The following PRKN variants were observed in gnomAD, a reference collection of about 807,000 sequenced individuals.
PRKN encodes parkin RBR E3 ubiquitin protein ligase.
PRKN carries 56 observed loss-of-function variants against 59.5 expected under a neutral mutation model. The ratio of observed to expected loss-of-function variants is 0.94; its 90% confidence interval spans 0.76 to 1.18. The LOEUF (loss-of-function observed/expected upper bound fraction) is 1.18. Ranked by LOEUF, PRKN falls within the 50% of genes most tolerant of loss-of-function variation. The pLI, the probability that PRKN is intolerant of heterozygous loss-of-function variation, is 0.00. For synonymous variants in PRKN, 250 were observed against 222.1 expected (o/e 1.13, Z -1.12); for missense variants, 657 against 596.4 (o/e 1.10, Z -1.06).
At chr6:161,703,840 T>A (rs954060902) in intron 7 of PRKN, among the ~76,000 whole-genome samples, 1 of 3,888 alleles carries the variant, frequency 2.6e-4, no homozygotes, top group Non-Finnish European at 6.3e-4. Flanking sequence ...TCTCTCTCTC[T>A]TTTTTTTTTT....
chr6:162,331,932 T>C (rs1444835177), intron 2 of PRKN, among the ~76,000 whole-genome samples: 1 of 152,220 alleles, frequency 6.6e-6, no homozygotes, highest in Non-Finnish European at 1.5e-5. Flanking sequence ...AAAACTTTAA[T>C]GACTTTTAGT....
intron 6 of PRKN, among the ~76,000 whole-genome samples, chr6:161,840,337 A>G (rs890092299): frequency 2.0e-5 from 3 of 152,200 alleles, no homozygotes. Flanking sequence ...ATCAGCAGCT[A>G]AAGTGCATCT....
intron 2 of PRKN, among the ~76,000 whole-genome samples, chr6:162,403,837 C>T (rs553419543): frequency 1.3e-5 from 2 of 152,222 alleles, no homozygotes; most frequent in South Asian, 2.1e-4. Context: ...GTCAGAAGAA[C>T]GTTTCAGGGA....
chr6:161,814,463 T>C (rs1349073294), intron 6 of PRKN, among the ~76,000 whole-genome samples: 1 of 152,184 alleles, frequency 6.6e-6, no homozygotes, highest in Non-Finnish European at 1.5e-5. Flanking sequence ...AAGCATGTCT[T>C]ACATGGTGGC....
chr6:161,607,872 A>G (rs1413148911), intron 7 of PRKN, among the ~76,000 whole-genome samples: 1 of 152,204 alleles, frequency 6.6e-6, no homozygotes, highest in Admixed American at 6.5e-5. Context: ...ACAGTGAGCA[A>G]ATGGATGATG....
intron 7 of PRKN, among the ~76,000 whole-genome samples, chr6:161,612,263 G>C (rs373347439): frequency 7.2e-4 from 109 of 152,218 alleles, no homozygotes; most frequent in Non-Finnish European, 6.2e-4. Flanking sequence ...TTTCAATGTA[G>C]ATGAAAGAGC....
chr6:162,552,783 G>A (rs928347796), intron 1 of PRKN, among the ~76,000 whole-genome samples: 1 of 152,054 alleles, frequency 6.6e-6, no homozygotes, highest in Non-Finnish European at 1.5e-5. Flanking sequence ...AAGATAGAGA[G>A]GACGTGGGGC....
rs1583214701 is a variant in PRKN at position 161,548,113 on chromosome 6, T to A, written c.1083+741A>T. Among the ~76,000 whole-genome samples the A allele has an allele frequency of 6.6e-6, 1 of 152,258 alleles. No homozygotes were observed. The highest frequency in any genetic ancestry group is 2.1e-4 in the South Asian group (1 of 4,838). ...CATCAAAATTCAATAGACTTTTATA[T>A]GCACATACACTTTCTCACTTTTCCA... On this transcript the variant is annotated intron_variant, in intron 9 of 11. Transcript: ENST00000366898. The surrounding 1 kb of genome is among the most constrained non-coding windows in gnomAD (Gnocchi z 4.2).
At chr6:161,770,979 C>G (rs1381811196) in intron 7 of PRKN, among the ~76,000 whole-genome samples, 1 of 152,098 alleles carries the variant, frequency 6.6e-6, no homozygotes, top group Non-Finnish European at 1.5e-5. Context: ...GACTTCCAGC[C>G]TCCAGAACTG....
rs140197678 is a variant in PRKN, at chr6:161,384,280, G to A, written c.1167+2514C>T. On this transcript the variant is annotated intron_variant, in intron 10 of 11. Transcript: ENST00000366898. Reference sequence around the variant, plus strand: ...TGAATGAAATAATGTCTCATGGGGCGCAGTGGCTCACGCCTGTCATCTCAG... The same window carrying A: ...TGAATGAAATAATGTCTCATGGGGCACAGTGGCTCACGCCTGTCATCTCAG... Among the ~76,000 whole-genome samples, 191 of 152,296 alleles carry A rather than the reference G, an allele frequency of 1.3e-3. 2 individuals are homozygous for A. Among genetic ancestry groups the A allele is most frequent in the African/African-American group, 4.5e-3 (185 of 41,556 alleles).
At position 161,576,851 on chromosome 6, in the gene PRKN, G is replaced by A. The variant is rs1194916535; in HGVS notation, c.872-7435C>T. Among the ~76,000 whole-genome samples the A allele has an allele frequency of 1.3e-5, 2 of 152,180 alleles. No homozygotes were observed. Among genetic ancestry groups the A allele is most frequent in the Admixed American group, 1.3e-4 (2 of 15,268 alleles). On this transcript the variant is annotated intron_variant, in intron 7 of 11. Coordinates refer to ENST00000366898, the MANE Select transcript of PRKN (RefSeq NM_004562.3). The surrounding 1 kb of genome is among the most constrained non-coding windows in gnomAD (Gnocchi z 4.6). Reference sequence around the variant, plus strand: ...TAATATGAGTTAGCTAGAGTGAAATGTATCAAAACAGGTAAATCTCAAAAT... The same window carrying A: ...TAATATGAGTTAGCTAGAGTGAAATATATCAAAACAGGTAAATCTCAAAAT...
intron 7 of PRKN, among the ~76,000 whole-genome samples, chr6:161,602,492 C>A (rs1488899617): frequency 6.6e-6 from 1 of 152,098 alleles, no homozygotes; most frequent in Non-Finnish European, 1.5e-5. Flanking sequence ...TTGCATAGGG[C>A]CTGTTAGTCA....
chr6:161,746,109 G>T (rs1354165178), intron 7 of PRKN, among the ~76,000 whole-genome samples: 2 of 152,176 alleles, frequency 1.3e-5, no homozygotes, highest in Non-Finnish European at 2.9e-5. Flanking sequence ...CATGAATTAG[G>T]CAAAATTATC....
intron 1 of PRKN, among the ~76,000 whole-genome samples, chr6:162,717,506 C>T (rs1341706908): frequency 2.0e-5 from 3 of 146,558 alleles, no homozygotes; most frequent in Non-Finnish European, 4.4e-5. Flanking sequence ...TTCAAGGTTG[C>T]AGTGAGCTGT....
chr6:162,727,611 C>A, intron 1 of PRKN, 51 bp downstream of exon 1: 1 of 1,559,926 alleles, frequency 6.4e-7, no homozygotes, highest in Non-Finnish European at 8.7e-7. Flanking sequence ...TGGCGCCATA[C>A]CGGGGCGTGG....
Position 161,582,690 on chromosome 6 carries a change from G to A in PRKN, c.872-13274C>T. Among the ~76,000 whole-genome samples the A allele has an allele frequency of 6.6e-6, 1 of 152,056 alleles. No individual in the cohort carries two copies. The highest frequency in any genetic ancestry group is 1.9e-4 in the East Asian group (1 of 5,182). On this transcript the variant is annotated intron_variant, in intron 7 of 11. Transcript: ENST00000366898. The surrounding 1 kb of genome is among the most constrained non-coding windows in gnomAD (Gnocchi z 4.4). The stretch of plus-strand genomic sequence containing the variant: ...GATCTGCCCGCCTCGGCCTCCCAAA[G>A]TTCTGGGATTACAGGTGTGAGACAC...
chr6:162,344,675 G>T (rs1784322829), intron 2 of PRKN, among the ~76,000 whole-genome samples: 1 of 151,588 alleles, frequency 6.6e-6, no homozygotes, highest in Admixed American at 6.6e-5. Context: ...CCTTGAAGCA[G>T]CCCCACTACT....
chr6:162,335,187 TC>T (rs1177910939), intron 2 of PRKN, among the ~76,000 whole-genome samples: 2 of 145,570 alleles, frequency 1.4e-5, no homozygotes, highest in African/African-American at 5.3e-5. Flanking sequence ...CTACTTTTTT[TC>T]TTTTTCTTTT....
At chr6:162,174,713 C>T (rs1218054074) in intron 4 of PRKN, among the ~76,000 whole-genome samples, 2 of 152,088 alleles carry the variant, frequency 1.3e-5, no homozygotes, top group African/African-American at 4.8e-5. Context: ...GTATTCATTC[C>T]CTTGTGCTTT....
Sources: gnomAD v4.1 joint callset for allele counts (sites outside exome capture counted in the v4.1 genomes callset) on GRCh38, gnomAD v4.1.1 for gene constraint, Gnocchi (gnomAD v3.1) non-coding constraint, MANE v1.5 for transcripts, NCBI Gene and HGNC (gene_info 2026-07-23, HGNC 2026-07-21) for gene names.